The following GATB variants were observed in gnomAD, a reference collection of about 807,000 sequenced individuals.
GATB encodes glutamyl-tRNA(Gln) amidotransferase subunit B, mitochondrial.
GATB carries 39 observed loss-of-function variants against 62.3 expected under a neutral mutation model. The observed-to-expected ratio is 0.63, with a 90% CI of 0.48 to 0.82. The LOEUF is 0.82. Among genes scored for constraint, GATB ranks in the 40% least tolerant of loss-of-function variants. The pLI is 0.00. For synonymous variants in GATB, 276 were observed against 258.9 expected, an observed-to-expected ratio of 1.07 and a Z score of -0.63; for missense variants, 670 against 684.0, an observed-to-expected ratio of 0.98 and a Z score of 0.23.
At chr4:151,677,803 CAA>C (rs1422196587) in intron 11 of GATB, 1 of 152,122 alleles carries the variant, frequency 6.6e-6, no homozygotes, top group Non-Finnish European at 1.5e-5. Context: ...ATAAATAATA[CAA>C]AGTCAATAAA....
intron 1 of GATB, among the ~76,000 whole-genome samples, chr4:151,759,784 G>A (rs1739913369): frequency 6.6e-6 from 1 of 151,390 alleles, no homozygotes; most frequent in Non-Finnish European, 1.5e-5. Flanking sequence ...GTAATTTTGT[G>A]TATATACATA....
At chr4:151,754,616 CTA>C (rs945137838) in intron 2 of GATB, among the ~76,000 whole-genome samples, 1 of 152,094 alleles carries the variant, frequency 6.6e-6, no homozygotes, top group African/African-American at 2.4e-5. Context: ...TACAGAAAGA[CTA>C]TACATTATAA....
At chr4:151,753,496 C>T (rs925740576) in intron 2 of GATB, among the ~76,000 whole-genome samples, 2 of 152,134 alleles carry the variant, frequency 1.3e-5, no homozygotes, top group African/African-American at 4.8e-5. Flanking sequence ...TGTCTCCTCT[C>T]CCATTCTTTT....
intron 2 of GATB, among the ~76,000 whole-genome samples, chr4:151,749,669 G>GA (rs1224445752): frequency 2.6e-5 from 4 of 151,610 alleles, no homozygotes; most frequent in African/African-American, 9.7e-5. Context: ...AAAGAAAAAA[G>GA]AAAAAAATCA....
chr4:151,744,406 T>C lies in GATB; in HGVS notation c.327+14366A>G, dbSNP rs184132894. On this transcript the variant is annotated intron_variant, in intron 2 of 12. Transcript: ENST00000263985. The stretch of plus-strand genomic sequence containing the variant: ...AACACAGAAATCCTTATAAACAACA[T>C]ACATAAAACATAAAAAGATGTTCAG... Among the ~76,000 whole-genome samples the C allele has an allele frequency of 3.3e-5, 5 of 152,162 alleles. 1 individual carries two copies. In the East Asian group the frequency reaches 7.7e-4, roughly 24 times the overall value.
chr4:151,678,418 G>A (rs954586454), intron 11 of GATB, among the ~76,000 whole-genome samples: 1 of 150,498 alleles, frequency 6.6e-6, no homozygotes, highest in Non-Finnish European at 1.5e-5. Context: ...CATTTCACGT[G>A]CAATAATTCA....
intron 10 of GATB, among the ~76,000 whole-genome samples, chr4:151,687,448 T>C (rs1738273152): frequency 6.6e-6 from 1 of 152,238 alleles, no homozygotes; most frequent in South Asian, 2.1e-4. Context: ...ATTGAGATAA[T>C]TGCTCTCAAC....
At chr4:151,728,560 A>G (rs1739182795) in intron 2 of GATB, among the ~76,000 whole-genome samples, 1 of 152,222 alleles carries the variant, frequency 6.6e-6, no homozygotes, top group Non-Finnish European at 1.5e-5. Context: ...AAGCTAAAAC[A>G]CAAACTCATT....
chr4:151,681,265 T>C (rs1738132212), intron 10 of GATB, among the ~76,000 whole-genome samples: 1 of 152,202 alleles, frequency 6.6e-6, no homozygotes, highest in Non-Finnish European at 1.5e-5. Context: ...AAACAGCTGA[T>C]GTACTGAGGC....
At chr4:151,736,612 T>C (rs1219452700) in intron 2 of GATB, among the ~76,000 whole-genome samples, 3 of 152,220 alleles carry the variant, frequency 2.0e-5, no homozygotes, top group Non-Finnish European at 4.4e-5. Context: ...CCCAACTCTA[T>C]TGGCCACTAT....
chr4:151,678,124 C>T (rs961842134), intron 11 of GATB, among the ~76,000 whole-genome samples: 3 of 152,044 alleles, frequency 2.0e-5, no homozygotes, highest in Admixed American at 2.0e-4. Context: ...AAAAAAAACC[C>T]CAAGGCAATG....
chr4:151,671,439 GA>G (rs1737858139), intron 12 of GATB, 137 bp from the exon 13 acceptor site: 2 of 805,406 alleles, frequency 2.5e-6, no homozygotes, highest in South Asian at 1.8e-5. Context: ...ATGTAGAACA[GA>G]AAAAGGGGAG....
intron 9 of GATB, among the ~76,000 whole-genome samples, chr4:151,700,906 G>A (rs956016889): frequency 6.6e-6 from 1 of 152,182 alleles, no homozygotes; most frequent in Non-Finnish European, 1.5e-5. Flanking sequence ...CAAAACAACT[G>A]GCTGGCTTTT....
At position 151,722,442 on chromosome 4, in the gene GATB, G is replaced by A. The variant is rs1397175677; in HGVS notation, c.328-2904C>T. The A allele has an allele frequency of 2.4e-5, 13 of 536,548 alleles. No individual in the cohort carries two copies. In the East Asian group the frequency reaches 2.6e-4, roughly 11 times the overall value. 33.2% of individuals were successfully genotyped at this position (536,548 alleles called of 1,614,324 possible). On this transcript the variant is annotated intron_variant, in intron 2 of 12. Coordinates refer to ENST00000263985, the MANE Select transcript of GATB (RefSeq NM_004564.3). Reference sequence around the variant, plus strand: ...CCTCAATGGCCCCTGATGTTCCCACGACAAAGGCCAAGCTCTTACATGATC... The same window carrying A: ...CCTCAATGGCCCCTGATGTTCCCACAACAAAGGCCAAGCTCTTACATGATC...
At position 151,695,930 on chromosome 4, in the gene GATB, A is replaced by T. The variant is rs916800635; in HGVS notation, c.1197+5399T>A. Among the ~76,000 whole-genome samples, 11 of 122,852 alleles carry T rather than the reference A, an allele frequency of 9.0e-5. No individual in the cohort carries two copies. In the South Asian group the frequency reaches 2.0e-3, roughly 22 times the overall value. The allele number at this position is 122,852 out of a possible 152,430, so 80.6% of individuals were successfully genotyped here. A position where few individuals can be genotyped will look rare whatever the true frequency, so the allele number is the denominator to read the frequency against. On this transcript the variant is annotated intron_variant, in intron 9 of 12. Transcript: ENST00000263985. ...GTGCCACCATGCCCGGCTAATTTAA[A>T]TTTTTTTTTTTTTTTTTTTTTTGTA...
intron 2 of GATB, chr4:151,721,108 G>C (rs1739022834): frequency 6.6e-6 from 1 of 152,226 alleles, no homozygotes; most frequent in Non-Finnish European, 1.5e-5. Context: ...TGTGATGGCA[G>C]GCACCTGTAG....
chr4:151,751,502 G>C (rs767899864), intron 2 of GATB, among the ~76,000 whole-genome samples: 1 of 152,104 alleles, frequency 6.6e-6, no homozygotes, highest in African/African-American at 2.4e-5. Context: ...GGAGAAAGAG[G>C]CCTCCAATCA....
At chr4:151,737,774 C>T (rs1397424189) in intron 2 of GATB, among the ~76,000 whole-genome samples, 1 of 152,180 alleles carries the variant, frequency 6.6e-6, no homozygotes, top group East Asian at 1.9e-4. Context: ...GGCAAAGGTA[C>T]AGCTTGGACT....
intron 2 of GATB, among the ~76,000 whole-genome samples, chr4:151,731,385 G>A (rs1483349306): frequency 2.0e-5 from 3 of 152,214 alleles, no homozygotes; most frequent in South Asian, 2.1e-4. Context: ...CTGAGATGCC[G>A]GGATTGCAGA....
Sources: allele counts gnomAD v4.1 joint callset (sites outside exome capture counted in the v4.1 genomes callset), GRCh38; gene constraint gnomAD v4.1.1; transcripts MANE v1.5; gene names NCBI Gene and HGNC (gene_info 2026-07-23, HGNC 2026-07-21).